TRHDE: variants seen among roughly 807,000 people sequenced by gnomAD.
TRHDE encodes thyrotropin releasing hormone degrading enzyme.
In TRHDE, 72 loss-of-function variants were observed where a neutral mutation model predicts 125.7. That is an observed-to-expected ratio of 0.57 (90% CI 0.47 to 0.70). The LOEUF (loss-of-function observed/expected upper bound fraction) is 0.70, where lower values mean the gene tolerates loss of function less well. Among genes scored for constraint, TRHDE ranks in the 30% least tolerant of loss-of-function variants. The pLI is 0.00. For synonymous variants in TRHDE, 509 were observed against 509.1 expected, an observed-to-expected ratio of 1.00 and a Z score of 0.00; for missense variants, 1,110 against 1,327.1, an observed-to-expected ratio of 0.84 and a Z score of 2.54.
At chr12:72,551,120 T>A (rs1395939022) in intron 7 of TRHDE, among the ~76,000 whole-genome samples, 1 of 152,084 alleles carries the variant, frequency 6.6e-6, no homozygotes, top group East Asian at 1.9e-4. Context: ...ACAAACTATT[T>A]TTCCTCTATA....
At chr12:72,244,879 A>G (rs1878546045) in intron 2 of TRHDE, among the ~76,000 whole-genome samples, 1 of 152,180 alleles carries the variant, frequency 6.6e-6, no homozygotes, top group South Asian at 2.1e-4. Context: ...AAATGTGTAG[A>G]CACGATTCTA....
At chr12:72,541,815 C>T (rs1869162341) in intron 6 of TRHDE, among the ~76,000 whole-genome samples, 1 of 151,388 alleles carries the variant, frequency 6.6e-6, no homozygotes, top group African/African-American at 2.4e-5. Flanking sequence ...AGTCTGACTT[C>T]TTGGTACTCT....
chr12:72,110,006 A>T (rs1592443875), intron 2 of TRHDE, among the ~76,000 whole-genome samples: 1 of 152,192 alleles, frequency 6.6e-6, no homozygotes, highest in East Asian at 1.9e-4. Flanking sequence ...TTTTTGAAAC[A>T]TCTCTCTGTT....
chr12:72,528,795 C>A (rs1033176552), intron 6 of TRHDE, among the ~76,000 whole-genome samples: 1 of 152,014 alleles, frequency 6.6e-6, no homozygotes, highest in Non-Finnish European at 1.5e-5. Context: ...CTTCTTAAAA[C>A]AACATTAAAT....
chr12:72,493,176 C>T (rs1361387532), intron 5 of TRHDE, among the ~76,000 whole-genome samples: 1 of 151,884 alleles, frequency 6.6e-6, no homozygotes, highest in Non-Finnish European at 1.5e-5. Flanking sequence ...TAAAAAACTT[C>T]CTTTATCTGT....
chr12:72,392,117 G>C (rs555638680), intron 3 of TRHDE, among the ~76,000 whole-genome samples: 80 of 152,230 alleles, frequency 5.3e-4, no homozygotes, highest in African/African-American at 1.9e-3. Flanking sequence ...ACCAGAACTT[G>C]ATCATGCTGG....
intron 15 of TRHDE, among the ~76,000 whole-genome samples, chr12:72,644,264 C>T (rs750327000): frequency 6.6e-6 from 1 of 151,968 alleles, no homozygotes; most frequent in Non-Finnish European, 1.5e-5. Flanking sequence ...AAGAGAATTC[C>T]TCCTCCCGGC....
At chr12:72,534,513 G>T (rs1868745066) in intron 6 of TRHDE, among the ~76,000 whole-genome samples, 6 of 152,194 alleles carry the variant, frequency 3.9e-5, no homozygotes, top group Admixed American at 3.9e-4. Context: ...GATATATGCT[G>T]AATTTCTTGA....
At chr12:72,591,637 T>TTTTTTTTG (rs1251529887) in intron 12 of TRHDE, among the ~76,000 whole-genome samples, 4 of 150,390 alleles carry the variant, frequency 2.7e-5, no homozygotes, top group East Asian at 1.9e-4. Context: ...TATGGGTTTT[T>TTTTTTTTG]TTTTTTTTTT....
At chr12:72,485,844 T>C (rs1877379957) in intron 5 of TRHDE, among the ~76,000 whole-genome samples, 1 of 152,158 alleles carries the variant, frequency 6.6e-6, no homozygotes. Context: ...GATTCTAAGA[T>C]GTCCCACTTC....
intron 2 of TRHDE, chr12:72,255,829 T>A (rs1878801451): frequency 6.6e-6 from 1 of 152,172 alleles, no homozygotes; most frequent in African/African-American, 2.4e-5. Flanking sequence ...CAGGGAACTG[T>A]CCTGCGATAA....
intron 3 of TRHDE, among the ~76,000 whole-genome samples, chr12:72,419,750 C>T (rs1873875679): frequency 6.6e-6 from 1 of 152,074 alleles, no homozygotes; most frequent in South Asian, 2.1e-4. Flanking sequence ...ATACACTTAC[C>T]TCCTATAAAT....
chr12:72,376,370 A>G (rs1042617830), intron 2 of TRHDE, among the ~76,000 whole-genome samples: 1 of 152,130 alleles, frequency 6.6e-6, no homozygotes, highest in African/African-American at 2.4e-5. Context: ...ACTTTACTTC[A>G]GATATTGCAT....
chr12:72,182,793 G>A (rs1170277321), intron 2 of TRHDE, among the ~76,000 whole-genome samples: 1 of 152,180 alleles, frequency 6.6e-6, no homozygotes, highest in Non-Finnish European at 1.5e-5. Flanking sequence ...GGAAGTGTAG[G>A]AAGAGGGTAA....
chr12:72,465,466 A>G (rs1040894399), intron 3 of TRHDE, among the ~76,000 whole-genome samples: 1 of 152,224 alleles, frequency 6.6e-6, no homozygotes, highest in African/African-American at 2.4e-5. Flanking sequence ...GGCATGAATC[A>G]TAGAGTAGAT....
intron 14 of TRHDE, 115 bp from the exon 15 acceptor site, chr12:72,621,529 A>C: frequency 1.3e-6 from 1 of 759,892 alleles, no homozygotes; most frequent in Non-Finnish European, 2.1e-6. Context: ...ACTCAGCAGC[A>C]TAGGATTTCC....
intron 3 of TRHDE, among the ~76,000 whole-genome samples, chr12:72,468,736 G>T (rs1876503201): frequency 6.6e-6 from 1 of 152,214 alleles, no homozygotes; most frequent in Non-Finnish European, 1.5e-5. Flanking sequence ...GGCTTTGGAA[G>T]GATCTGCCAG....
At chr12:72,139,095 G>A (rs1432444468) in intron 2 of TRHDE, among the ~76,000 whole-genome samples, 1 of 152,190 alleles carries the variant, frequency 6.6e-6, no homozygotes, top group African/African-American at 2.4e-5. Context: ...AATCCTTGAT[G>A]TACCTGGTAA....
At chr12:72,606,386 T>G (rs1276197361) in intron 12 of TRHDE, among the ~76,000 whole-genome samples, 1 of 152,148 alleles carries the variant, frequency 6.6e-6, no homozygotes, top group Non-Finnish European at 1.5e-5. Flanking sequence ...CAAATCAAGG[T>G]CAGAATATAG....
Sources: allele counts gnomAD v4.1 joint callset (sites outside exome capture counted in the v4.1 genomes callset), GRCh38; gene constraint gnomAD v4.1.1; transcripts MANE v1.5; gene names NCBI Gene and HGNC (gene_info 2026-07-23, HGNC 2026-07-21).